Variants in GABBR2 observed in about 807,000 individuals in gnomAD.
GABBR2 encodes the protein G-protein coupled receptor 51.
A neutral mutation model predicts 105.6 loss-of-function variants in GABBR2; 23 were observed. The ratio of observed to expected loss-of-function variants is 0.22; its 90% CI spans 0.16 to 0.31. The LOEUF (loss-of-function observed/expected upper bound fraction) is 0.31, where lower values mean the gene tolerates loss of function less well. Ranked by LOEUF, GABBR2 falls within the 10% of genes least tolerant of loss-of-function variation. GABBR2 has a pLI of 1.00. For synonymous variants in GABBR2, 478 were observed against 499.7 expected, an observed-to-expected ratio of 0.96 and a Z score of 0.58; for missense variants, 734 against 1,245.5, an observed-to-expected ratio of 0.59 and a Z score of 6.18.
chr9:98,474,150 A>C (rs893098683), intron 5 of GABBR2, among the ~76,000 whole-genome samples: 2 of 152,148 alleles, frequency 1.3e-5, no homozygotes, highest in African/African-American at 4.8e-5. Context: ...TCCTCATTCT[A>C]GAGAGGAGGA....
intron 11 of GABBR2, 118 bp from the exon 12 acceptor site, chr9:98,371,689 A>G (rs1397744495): frequency 1.6e-6 from 1 of 637,696 alleles, no homozygotes; most frequent in Non-Finnish European, 2.8e-6. Flanking sequence ...CCCTCTGCAT[A>G]TAGTTGAGTT....
chr9:98,521,156 G>T (rs897158870), intron 3 of GABBR2, among the ~76,000 whole-genome samples: 2 of 152,172 alleles, frequency 1.3e-5, no homozygotes, highest in Non-Finnish European at 1.5e-5. Flanking sequence ...AAAGGACCAA[G>T]GGAATATAAA....
intron 3 of GABBR2, among the ~76,000 whole-genome samples, chr9:98,524,391 G>A (rs1827921755): frequency 1.3e-5 from 2 of 152,146 alleles, no homozygotes; most frequent in African/African-American, 4.8e-5. Flanking sequence ...GAAAAAAATA[G>A]ATGAATTGGT....
At chr9:98,588,619 A>G (rs534727268) in intron 1 of GABBR2, among the ~76,000 whole-genome samples, 124 of 152,356 alleles carry the variant, frequency 8.1e-4, no homozygotes, top group African/African-American at 2.7e-3. Context: ...CCCAAGTTGC[A>G]CACAGTGAGT....
At chr9:98,340,183 G>T (rs72759644) in intron 13 of GABBR2, among the ~76,000 whole-genome samples, 9,397 of 57,790 alleles carry the variant, frequency 0.16, 359 homozygotes, top group African/African-American at 0.26. Context: ...CCAGTGAGGG[G>T]TTTTTTTTTT....
intron 13 of GABBR2, among the ~76,000 whole-genome samples, chr9:98,334,596 TG>T (rs1208766719): frequency 7.2e-6 from 1 of 138,310 alleles, no homozygotes; most frequent in Non-Finnish European, 1.5e-5. Flanking sequence ...TGCTTGCATG[TG>T]AGTAGGGTAA....
chr9:98,541,749 G>T, intron 3 of GABBR2, 124 bp downstream of exon 3: 1 of 792,864 alleles, frequency 1.3e-6, no homozygotes, highest in Non-Finnish European at 2.0e-6. Context: ...AGCTTTGATC[G>T]CACTAACCAA....
chr9:98,434,184 C>T (rs1825862453), intron 7 of GABBR2, among the ~76,000 whole-genome samples: 1 of 152,198 alleles, frequency 6.6e-6, no homozygotes, highest in Non-Finnish European at 1.5e-5. Context: ...ATACTTCCTG[C>T]CCTTGAACAT....
chr9:98,678,494 C>T (rs893821205), intron 1 of GABBR2, among the ~76,000 whole-genome samples: 4 of 152,208 alleles, frequency 2.6e-5, no homozygotes, highest in Non-Finnish European at 4.4e-5. Context: ...TACAGGAGAC[C>T]AGCAAGGCTG....
chr9:98,509,828 C>T (rs1827598705), intron 3 of GABBR2, among the ~76,000 whole-genome samples: 1 of 152,172 alleles, frequency 6.6e-6, no homozygotes, highest in Non-Finnish European at 1.5e-5. Flanking sequence ...AGAATGGAAC[C>T]AAGTTGGAAA....
chr9:98,321,403 C>T (rs77275460), intron 13 of GABBR2, among the ~76,000 whole-genome samples: 2,049 of 152,256 alleles, frequency 0.013, 37 homozygotes, highest in African/African-American at 0.047. Context: ...TGCCTGTACC[C>T]CACCCTCAGC....
chr9:98,422,768 T>G (rs111900200), intron 7 of GABBR2, among the ~76,000 whole-genome samples: 1 of 89,634 alleles, frequency 1.1e-5, no homozygotes, highest in Non-Finnish European at 2.4e-5. Flanking sequence ...CCCCTCCCCC[T>G]ACCCCACAAC....
intron 7 of GABBR2, among the ~76,000 whole-genome samples, chr9:98,424,500 G>A (rs1039779525): frequency 1.3e-5 from 2 of 152,058 alleles, no homozygotes; most frequent in African/African-American, 4.8e-5. Context: ...GGCAGGAGAA[G>A]GAAATAAAGG....
chr9:98,613,834 G>T (rs771106416), intron 1 of GABBR2, among the ~76,000 whole-genome samples: 1 of 152,210 alleles, frequency 6.6e-6, no homozygotes, highest in African/African-American at 2.4e-5. Context: ...GAAGAAAAGG[G>T]AACTCAGAAG....
At chr9:98,385,080 C>T (rs896710203) in intron 11 of GABBR2, among the ~76,000 whole-genome samples, 6 of 152,188 alleles carry the variant, frequency 3.9e-5, no homozygotes, top group South Asian at 2.1e-4. Context: ...CCTTCTTAAA[C>T]GATCCTGACC....
intron 5 of GABBR2, among the ~76,000 whole-genome samples, chr9:98,477,103 T>C (rs920738458): frequency 2.6e-5 from 4 of 152,150 alleles, no homozygotes; most frequent in Admixed American, 2.6e-4. Flanking sequence ...TTGGGGAGTT[T>C]TGGGAGGGTG....
intron 1 of GABBR2, among the ~76,000 whole-genome samples, chr9:98,665,240 G>A (rs2131856421): frequency 6.6e-6 from 1 of 151,734 alleles, no homozygotes; most frequent in African/African-American, 2.4e-5. Flanking sequence ...CTGCACTTCA[G>A]CCTCCTTGAC....
chr9:98,551,554 G>A (rs984327082), intron 2 of GABBR2, among the ~76,000 whole-genome samples: 1 of 152,138 alleles, frequency 6.6e-6, no homozygotes, highest in African/African-American at 2.4e-5. Flanking sequence ...TGGCTTCCAG[G>A]GCCTCTCAAA....
chr9:98,604,457 T>A (rs1157522039), intron 1 of GABBR2, among the ~76,000 whole-genome samples: 1 of 152,218 alleles, frequency 6.6e-6, no homozygotes, highest in East Asian at 1.9e-4. Context: ...GGGCTCCGAA[T>A]GTTTGCTTTT....
Sources: allele counts gnomAD v4.1 joint callset (sites outside exome capture counted in the v4.1 genomes callset), GRCh38; gene constraint gnomAD v4.1.1; transcripts MANE v1.5; gene names NCBI Gene and HGNC (gene_info 2026-07-23, HGNC 2026-07-21).